FMNL3: variants seen among roughly 807,000 people sequenced by gnomAD.
FMNL3 encodes the protein formin like 3, also known as formin-like protein 3.
A neutral mutation model predicts 119.6 loss-of-function variants in FMNL3; 57 were observed. The observed-to-expected ratio is 0.48, with a 90% CI of 0.39 to 0.59. The LOEUF (loss-of-function observed/expected upper bound fraction) is 0.59, where lower values mean the gene tolerates loss of function less well. Among genes scored for constraint, FMNL3 ranks in the 20% least tolerant of loss-of-function variants. The pLI, the probability that FMNL3 is intolerant of heterozygous loss-of-function variation, is 0.00. For missense variants in FMNL3, 1,053 were observed against 1,323.5 expected, an observed-to-expected ratio of 0.80 and a Z score of 3.17; for synonymous variants, 491 against 507.3, an observed-to-expected ratio of 0.97 and a Z score of 0.43.
Position 49,645,700 on chromosome 12 carries a change from C to T in FMNL3, c.*115G>A, listed in dbSNP as rs369299678. On this transcript the variant is annotated 3_prime_UTR_variant, in exon 26 of 26. Transcript: ENST00000335154. Reference sequence around the variant, plus strand: ...AAAGATCCAGCCTCAAGAGCTGGGGCGGACATGGTTGAGAGAGCAACACAG... The same window carrying T: ...AAAGATCCAGCCTCAAGAGCTGGGGTGGACATGGTTGAGAGAGCAACACAG... The T allele has an allele frequency of 5.5e-5, 46 of 830,312 alleles. No individual in the cohort carries two copies. Among genetic ancestry groups the T allele is most frequent in the Admixed American group, 3.2e-4 (10 of 31,484 alleles). 51.4% of individuals were successfully genotyped at this position (830,312 alleles called of 1,614,324 possible).
At chr12:49,648,520 G>T (rs529518423) in intron 21 of FMNL3, among the ~76,000 whole-genome samples, 167 bp from the exon 22 acceptor site, 1 of 151,808 alleles carries the variant, frequency 6.6e-6, no homozygotes, top group African/African-American at 2.4e-5. Context: ...TCCCTCACAG[G>T]GGGAGGGAAT....
intron 1 of FMNL3, among the ~76,000 whole-genome samples, chr12:49,698,315 G>A (rs1944808134): frequency 6.6e-6 from 1 of 152,040 alleles, no homozygotes; most frequent in South Asian, 2.1e-4. Context: ...GGACGTGGGG[G>A]ATAAGGATAA....
chr12:49,643,496 G>A lies in FMNL3; in HGVS notation c.*2319C>T. 2 of 1,459,432 alleles carry A rather than the reference G, an allele frequency of 1.4e-6. No homozygotes were observed. The highest frequency in any genetic ancestry group is 1.4e-5 in the African/African-American group (1 of 70,462). The allele number at this position is 1,459,432 out of a possible 1,614,324, so 90.4% of individuals were successfully genotyped here. A position where few individuals can be genotyped will look rare whatever the true frequency, so the allele number is the denominator to read the frequency against. On this transcript the variant is annotated 3_prime_UTR_variant, in exon 26 of 26. Transcript: ENST00000335154. ...AGCTCCTTTGAGGGTAGACTGGATT[G>A]GGAGGGCTGCACCTGTGGAAGTAGA...
At chr12:49,683,420 A>T (rs1416167621) in intron 1 of FMNL3, among the ~76,000 whole-genome samples, 1 of 152,132 alleles carries the variant, frequency 6.6e-6, no homozygotes, top group Non-Finnish European at 1.5e-5. Flanking sequence ...TAATCTAGCA[A>T]GCTAGAAATC....
chr12:49,649,883 C>G lies in FMNL3; in HGVS notation c.2043G>C (p.Leu681=). The G allele has an allele frequency of 6.2e-7, 1 of 1,614,128 alleles. No homozygotes were observed. Among genetic ancestry groups the G allele is most frequent in the Middle Eastern group, 1.6e-4 (1 of 6,062 alleles). ...QTLPVDFVEC[L]MRFLPTEAEV... ...CAGCCTCTGTGGGCAGGAAGCGCAT[C>G]AGGCACTCCACGAAGTCCACAGGTA... Residue 681 remains leucine, a synonymous_variant, in exon 18 of 26, where the codon CTG becomes CTC. Transcript: ENST00000335154. This position sits in a 1 kb window ranked among gnomAD's most constrained non-coding sequence, Gnocchi z 5.6.
At chr12:49,654,353 G>A (rs758777554) in intron 10 of FMNL3, 51 bp from the exon 11 acceptor site, 1 of 1,495,408 alleles carries the variant, frequency 6.7e-7, no homozygotes, top group Non-Finnish European at 9.3e-7. Flanking sequence ...CAGAGGAAAG[G>A]CAAGAGACCA....
rs8626 is a variant in FMNL3 at position 49,640,885 on chromosome 12, A to C, written c.*4930T>G. The stretch of plus-strand genomic sequence containing the variant: ...CTGCTTGATGGAAGGAGCCAGTAAC[A>C]AGGGTGACTTGGAGCTTTCAATTCC... On this transcript the variant is annotated 3_prime_UTR_variant, in exon 26 of 26. Coordinates refer to ENST00000335154, the MANE Select transcript of FMNL3 (RefSeq NM_175736.5). The C allele has an allele frequency of 6.6e-6, 1 of 152,076 alleles. No individual in the cohort carries two copies. Among genetic ancestry groups the C allele is most frequent in the Non-Finnish European group, 1.5e-5 (1 of 68,038 alleles). The allele number at this position is 152,076 out of a possible 1,614,324, so 9.4% of individuals were successfully genotyped here.
intron 1 of FMNL3, among the ~76,000 whole-genome samples, chr12:49,698,802 C>G (rs879578358): frequency 1.3e-4 from 20 of 152,148 alleles, no homozygotes; most frequent in Admixed American, 1.3e-3. Context: ...TAACTTTGCC[C>G]AGAGAGGCAA....
chr12:49,639,058 C>T lies in FMNL3; in HGVS notation c.*6757G>A, dbSNP rs1375490820. On this transcript the variant is annotated 3_prime_UTR_variant, in exon 26 of 26. Coordinates refer to ENST00000335154, the MANE Select transcript of FMNL3 (RefSeq NM_175736.5). ...GGTATCCTCTCTTTCTCTGGAACCA[C>T]ATGCCCCAGCTTGGAAGTAGAGCCC... 1 of 152,220 alleles carries T rather than the reference C, an allele frequency of 6.6e-6. No homozygotes were observed. Among genetic ancestry groups the T allele is most frequent in the Non-Finnish European group, 1.5e-5 (1 of 68,040 alleles). 9.4% of individuals were successfully genotyped at this position (152,220 alleles called of 1,614,324 possible).
chr12:49,691,979 G>A (rs1177865848), intron 1 of FMNL3, among the ~76,000 whole-genome samples: 1 of 128,472 alleles, frequency 7.8e-6, no homozygotes, highest in Non-Finnish European at 1.5e-5. Context: ...AGGTTGCAGT[G>A]AACCAAGATC....
intron 1 of FMNL3, among the ~76,000 whole-genome samples, chr12:49,672,561 G>C (rs1944075300): frequency 6.6e-6 from 1 of 152,206 alleles, no homozygotes; most frequent in African/African-American, 2.4e-5. Context: ...TGCACAATGG[G>C]GTGCATGTGA....
At chr12:49,665,229 A>G (rs1592662120) in intron 4 of FMNL3, among the ~76,000 whole-genome samples, 6 of 128,336 alleles carry the variant, frequency 4.7e-5, no homozygotes, top group Non-Finnish European at 8.1e-5. Flanking sequence ...CAGGGACTGG[A>G]AAAAAAAAAA....
intron 1 of FMNL3, among the ~76,000 whole-genome samples, chr12:49,678,466 T>A (rs543094120): frequency 5.0e-4 from 76 of 151,678 alleles, no homozygotes; most frequent in African/African-American, 1.8e-3. Context: ...TTATTTTTAT[T>A]ATTATTTTTA....
At position 49,647,828 on chromosome 12, in the gene FMNL3, G is replaced by A. The variant is rs1339285960; in HGVS notation, c.2677-24C>T. On this transcript the variant is annotated intron_variant, in intron 22 of 25. Coordinates refer to ENST00000335154, the MANE Select transcript of FMNL3 (RefSeq NM_175736.5). This position sits in a 1 kb window ranked among gnomAD's most constrained non-coding sequence, Gnocchi z 4.9. ...TCCTGGGGAAGGGGTGGGCAGAATG[G>A]GTCACCCTGGCAGGAAGATCAGCCC... 1 of 1,577,110 alleles carries A rather than the reference G, an allele frequency of 6.3e-7. No individual in the cohort carries two copies. The highest frequency in any genetic ancestry group is 1.1e-5 in the South Asian group (1 of 90,258).
intron 1 of FMNL3, among the ~76,000 whole-genome samples, chr12:49,689,036 T>G (rs1944537843): frequency 6.6e-6 from 1 of 152,170 alleles, no homozygotes; most frequent in African/African-American, 2.4e-5. Context: ...AAGGATCACT[T>G]GAGCCCAGGA....
At chr12:49,653,665 T>G (rs1163069509) in intron 12 of FMNL3, 60 bp downstream of exon 12, 1 of 1,603,298 alleles carries the variant, frequency 6.2e-7, no homozygotes, top group African/African-American at 1.3e-5. Flanking sequence ...CAGCTCAGGA[T>G]TCCTGGTTAC....
chr12:49,674,200 TGAAA>T (rs1944122852), intron 1 of FMNL3, among the ~76,000 whole-genome samples: 1 of 152,160 alleles, frequency 6.6e-6, no homozygotes, highest in African/African-American at 2.4e-5. Context: ...GAAGATAACT[TGAAA>T]CAGACAGCCT....
intron 1 of FMNL3, among the ~76,000 whole-genome samples, chr12:49,696,429 T>C (rs187342134): frequency 8.5e-5 from 13 of 152,350 alleles, no homozygotes; most frequent in Admixed American, 5.2e-4. Context: ...CTCGTTTGAT[T>C]GAAAAATCTG....
At chr12:49,668,322 C>T in intron 2 of FMNL3, 149 bp downstream of exon 2, 1 of 711,630 alleles carries the variant, frequency 1.4e-6, no homozygotes, top group South Asian at 1.8e-5. Flanking sequence ...TGAGAATCCT[C>T]TTGGAAAAGA....
Sources: gnomAD v4.1 joint callset for allele counts (sites outside exome capture counted in the v4.1 genomes callset) on GRCh38, gnomAD v4.1.1 for gene constraint, Gnocchi (gnomAD v3.1) non-coding constraint, MANE v1.5 for transcripts, NCBI Gene and HGNC (gene_info 2026-07-23, HGNC 2026-07-21) for gene names.